The following ANKRD30BL variants were observed in gnomAD, a reference collection of about 807,000 sequenced individuals.
ANKRD30BL encodes the protein putative ankyrin repeat domain-containing protein 30B-like.
ANKRD30BL carries 20 observed loss-of-function variants against 18.4 expected under a neutral mutation model. The ratio of observed to expected loss-of-function variants is 1.09; its 90% CI spans 0.77 to 1.58. The LOEUF (loss-of-function observed/expected upper bound fraction) is 1.58. Among genes scored for constraint, ANKRD30BL ranks in the 40% most tolerant of loss-of-function variants. The pLI is 0.00. For missense variants in ANKRD30BL, 224 were observed against 268.6 expected, an observed-to-expected ratio of 0.83 and a Z score of 1.16; for synonymous variants, 72 against 100.9, an observed-to-expected ratio of 0.71 and a Z score of 1.72.
intron 1 of ANKRD30BL, among the ~76,000 whole-genome samples, chr2:132,170,287 A>G (rs1247066657): frequency 2.0e-5 from 3 of 152,182 alleles, no homozygotes; most frequent in African/African-American, 7.2e-5. Context: ...GACGCTTTGA[A>G]GGGTGAGAAA....
intron 1 of ANKRD30BL, among the ~76,000 whole-genome samples, chr2:132,245,620 TG>T (rs1680477150): frequency 6.6e-6 from 1 of 152,290 alleles, no homozygotes; most frequent in Non-Finnish European, 1.5e-5. Context: ...TATCTTCCCA[TG>T]AAAACTAGAC....
intron 1 of ANKRD30BL, among the ~76,000 whole-genome samples, chr2:132,237,384 C>G (rs62166180): frequency 4.0e-5 from 6 of 151,840 alleles, no homozygotes; most frequent in African/African-American, 1.5e-4. Flanking sequence ...AAACACTCTT[C>G]TTGTTGAATT....
chr2:132,253,949 C>A (rs773291594), intron 1 of ANKRD30BL, among the ~76,000 whole-genome samples: 2 of 151,964 alleles, frequency 1.3e-5, no homozygotes, highest in African/African-American at 2.4e-5. Context: ...ACCTGGCCAG[C>A]CCCAAAGGGA....
intron 1 of ANKRD30BL, among the ~76,000 whole-genome samples, chr2:132,194,073 A>T (rs752589000): frequency 3.4e-4 from 48 of 142,190 alleles, no homozygotes; most frequent in South Asian, 3.2e-3. Flanking sequence ...ACACACACAC[A>T]CTCACACACA....
At chr2:132,153,005 A>G (rs1200579743) in intron 4 of ANKRD30BL, among the ~76,000 whole-genome samples, 3 of 152,210 alleles carry the variant, frequency 2.0e-5, no homozygotes, top group Non-Finnish European at 4.4e-5. Flanking sequence ...TTCGAAGTCT[A>G]CACCATGAAG....
At chr2:132,239,807 A>G (rs1197804571) in intron 1 of ANKRD30BL, among the ~76,000 whole-genome samples, 1 of 151,874 alleles carries the variant, frequency 6.6e-6, no homozygotes, top group Non-Finnish European at 1.5e-5. Context: ...AAAAGGAAAT[A>G]TCTTCACATA....
At chr2:132,167,279 T>TAATTTAATTTA (rs1470298340) in intron 1 of ANKRD30BL, among the ~76,000 whole-genome samples, 7 of 10,690 alleles carry the variant, frequency 6.5e-4, no homozygotes, top group African/African-American at 1.9e-3. Context: ...CATTTATTTT[T>TAATTTAATTTA]ATTTTATTTT....
chr2:132,251,404 A>G (rs1483024549), intron 1 of ANKRD30BL, among the ~76,000 whole-genome samples: 1 of 152,230 alleles, frequency 6.6e-6, no homozygotes, highest in Non-Finnish European at 1.5e-5. Flanking sequence ...TCGACAGTCA[A>G]GATGCAGAAC....
chr2:132,220,446 C>T (rs1165481987), intron 1 of ANKRD30BL, among the ~76,000 whole-genome samples: 2 of 151,896 alleles, frequency 1.3e-5, no homozygotes, highest in Non-Finnish European at 2.9e-5. Context: ...GCGATCTCGG[C>T]TCACTGCAAC....
At chr2:132,198,324 CTTTTTTT>C (rs773252461) in intron 1 of ANKRD30BL, among the ~76,000 whole-genome samples, 3 of 16,814 alleles carry the variant, frequency 1.8e-4, no homozygotes, top group Non-Finnish European at 3.1e-4. Flanking sequence ...TTCTTTCTTT[CTTTTTTT>C]TTTTTTTTTT....
chr2:132,199,111 G>A (rs925108046), intron 1 of ANKRD30BL, among the ~76,000 whole-genome samples: 12 of 152,092 alleles, frequency 7.9e-5, no homozygotes, highest in Non-Finnish European at 1.3e-4. Flanking sequence ...CAGCACCTTG[G>A]GAGGCCGAGG....
chr2:132,220,881 G>T (rs1056450023), intron 1 of ANKRD30BL, among the ~76,000 whole-genome samples: 10 of 151,392 alleles, frequency 6.6e-5, no homozygotes, highest in Non-Finnish European at 1.2e-4. Flanking sequence ...AAAGTCAGGA[G>T]CCTCTGCCCG....
intron 1 of ANKRD30BL, among the ~76,000 whole-genome samples, chr2:132,199,169 G>A (rs1679039864): frequency 6.6e-6 from 1 of 151,992 alleles, no homozygotes; most frequent in Admixed American, 6.6e-5. Context: ...GGCCAAGATG[G>A]TGAAACCCCA....
intron 1 of ANKRD30BL, among the ~76,000 whole-genome samples, chr2:132,183,832 T>C (rs901067118): frequency 6.6e-6 from 1 of 152,082 alleles, no homozygotes; most frequent in African/African-American, 2.4e-5. Flanking sequence ...GGGATGTAAT[T>C]CTCCCTTATC....
At chr2:132,162,278 G>T (rs1291039006), upstream of ANKRD30BL, among the ~76,000 whole-genome samples, 1 of 152,180 alleles carries the variant, frequency 6.6e-6, no homozygotes, top group African/African-American at 2.4e-5. Context: ...GGAGGCTTCT[G>T]GCCCAAGTAT....
chr2:132,226,960 T>C (rs1334609749), intron 1 of ANKRD30BL, among the ~76,000 whole-genome samples: 1 of 152,008 alleles, frequency 6.6e-6, no homozygotes, highest in African/African-American at 2.4e-5. Flanking sequence ...TAGAGCAGGT[T>C]TGAAACACTC....
At chr2:132,221,062 G>A (rs1247007486) in intron 1 of ANKRD30BL, among the ~76,000 whole-genome samples, 1 of 149,362 alleles carries the variant, frequency 6.7e-6, no homozygotes, top group Non-Finnish European at 1.5e-5. Flanking sequence ...CCCCGTCTGA[G>A]AAGTGAGGAA....
At chr2:132,234,740 C>T (rs1473612155) in intron 1 of ANKRD30BL, among the ~76,000 whole-genome samples, 11 of 152,166 alleles carry the variant, frequency 7.2e-5, no homozygotes, top group East Asian at 5.8e-4. Flanking sequence ...GATTCACAGC[C>T]GAATTCTACC....
chr2:132,220,256 A>G (rs1256065056), intron 1 of ANKRD30BL, among the ~76,000 whole-genome samples: 1 of 151,594 alleles, frequency 6.6e-6, no homozygotes, highest in Non-Finnish European at 1.5e-5. Context: ...CTTTTGACAG[A>G]GCAGGTTTGA....
Sources: gnomAD v4.1 joint callset for allele counts (sites outside exome capture counted in the v4.1 genomes callset) on GRCh38, gnomAD v4.1.1 for gene constraint, MANE v1.5 for transcripts, NCBI Gene and HGNC (gene_info 2026-07-23, HGNC 2026-07-21) for gene names.